Variants in TNMD observed in about 807,000 individuals in gnomAD.
TNMD encodes tenomodulin.
TNMD carries 15 observed loss-of-function variants against 26.9 expected under a neutral mutation model. That is an observed-to-expected ratio of 0.56 (90% confidence interval 0.37 to 0.86). The LOEUF (loss-of-function observed/expected upper bound fraction) is 0.86, where lower values mean the gene tolerates loss of function less well. Among genes scored for constraint, TNMD ranks in the 40% least tolerant of loss-of-function variants. The pLI is 0.00. For missense variants in TNMD, 222 were observed against 242.6 expected (o/e 0.92, Z 0.56); for synonymous variants, 73 against 77.0 (o/e 0.95, Z 0.27).
intron 4 of TNMD, among the ~76,000 whole-genome samples, chrX:100,595,164 C>T (rs768769296): frequency 3.6e-5 from 4 of 112,151 alleles, no homozygotes; most frequent in African/African-American, 6.5e-5. Flanking sequence ...CATATTGTGA[C>T]AGCATATCCC....
chrX:100,599,126 G>C lies in TNMD; in HGVS notation c.688G>C (p.Glu230Gln). The C allele has an allele frequency of 1.7e-6, 2 of 1,206,151 alleles. No homozygotes were observed. The highest frequency in any genetic ancestry group is 1.1e-6 in the Non-Finnish European group (1 of 892,724). ...EQWVVPQVKVEKTRHARQASE... is the reference protein window; with the variant it reads ...EQWVVPQVKVQKTRHARQASE... ...GTGGGTGGTCCCTCAAGTGAAAGTA[G>C]AGAAGACCCGTCACGCCAGACAAGC... Residue 230 changes from glutamate to glutamine, a missense_variant, in exon 6 of 7, where the codon GAG (glutamate) becomes CAG (glutamine). By Grantham distance (29) the Glu-to-Gln change is conservative. Coordinates refer to ENST00000373031, the MANE Select transcript of TNMD (RefSeq NM_022144.3).
intron 2 of TNMD, among the ~76,000 whole-genome samples, chrX:100,592,572 C>A (rs1221421811): frequency 8.9e-6 from 1 of 112,208 alleles, no homozygotes; most frequent in Non-Finnish European, 1.9e-5. Context: ...TGTAGGGCTA[C>A]CAAGAGGTAA....
chrX:100,585,118 T>G (rs950194589), intron 1 of TNMD, 52 bp downstream of exon 1: 3 of 1,181,996 alleles, frequency 2.5e-6, no homozygotes, highest in Non-Finnish European at 3.4e-6. Context: ...GTTTCACAGA[T>G]TTATCATATT....
intron 2 of TNMD, chrX:100,593,555 G>C: frequency 1.1e-5 from 2 of 177,580 alleles, no homozygotes; most frequent in Non-Finnish European, 1.8e-5. Context: ...AAGCCCTAAT[G>C]AATTTCACGG....
intron 2 of TNMD, among the ~76,000 whole-genome samples, chrX:100,592,264 A>G (rs956998348): frequency 1.8e-5 from 2 of 112,072 alleles, no homozygotes; most frequent in African/African-American, 6.5e-5. Context: ...TTGTTGCCAC[A>G]GGTAGAAGTT....
intron 4 of TNMD, among the ~76,000 whole-genome samples, chrX:100,595,028 G>A (rs762690301): frequency 1.8e-5 from 2 of 111,946 alleles, no homozygotes; most frequent in South Asian, 7.5e-4. Flanking sequence ...AATGGGAGAT[G>A]GATGTTATTG....
chrX:100,595,552 C>CCTTTACCTTTTT (rs113892344), intron 4 of TNMD, among the ~76,000 whole-genome samples: 4 of 110,522 alleles, frequency 3.6e-5, no homozygotes, highest in Admixed American at 9.7e-5. Context: ...TTTATCTTTT[C>CCTTTACCTTTTT]CTTTACCTTT....
chrX:100,593,281 G>A (rs1028156470), intron 2 of TNMD: 131 of 709,489 alleles, frequency 1.8e-4, no homozygotes, highest in Non-Finnish European at 2.1e-4. Flanking sequence ...ACTGAATATG[G>A]CTTGGGAAAC....
At chrX:100,585,105 A>G (rs200406916) in intron 1 of TNMD, 39 bp downstream of exon 1, 222 of 1,188,197 alleles carry the variant, frequency 1.9e-4, no homozygotes, top group Non-Finnish European at 2.4e-4. Context: ...GAGCAGAAGC[A>G]TGGTTTCACA....
intron 2 of TNMD, among the ~76,000 whole-genome samples, chrX:100,586,317 A>G (rs1307956223): frequency 8.9e-6 from 1 of 111,887 alleles, no homozygotes; most frequent in Non-Finnish European, 1.9e-5. Context: ...TAAGATGCTC[A>G]TTTCTATTTG....
chrX:100,596,964 A>T (rs1641861794), intron 4 of TNMD, among the ~76,000 whole-genome samples: 2 of 112,064 alleles, frequency 1.8e-5, no homozygotes, highest in Non-Finnish European at 3.8e-5. Flanking sequence ...ATAAAAGGAA[A>T]TCTTTTGTAC....
Position 100,599,604 on chromosome X carries a change from G to C in TNMD, c.841G>C (p.Glu281Gln). ...CAACCGCTATTGCCGCCGCGTCTGTGAACCTTTACTAGGCTACTACCCATA... is the reference window on the plus strand; with the variant it reads ...CAACCGCTATTGCCGCCGCGTCTGTCAACCTTTACTAGGCTACTACCCATA... ...RGNRYCRRVCEPLLGYYPYPY... is the reference protein window; with the variant it reads ...RGNRYCRRVCQPLLGYYPYPY... Residue 281 changes from glutamate to glutamine, a missense_variant, in exon 7 of 7, where the codon GAA becomes CAA. Transcript: ENST00000373031. 8.3e-7 allele frequency: 1 copy of C among 1,211,484 alleles called. No homozygotes were observed. Among genetic ancestry groups the C allele is most frequent in the Non-Finnish European group, 1.1e-6 (1 of 895,384 alleles).
chrX:100,595,442 T>G (rs2082950151), intron 4 of TNMD, among the ~76,000 whole-genome samples: 1 of 94,446 alleles, frequency 1.1e-5, no homozygotes, highest in Non-Finnish European at 2.1e-5. Context: ...CTATAAACTA[T>G]AAAAACCTCT....
intron 2 of TNMD, among the ~76,000 whole-genome samples, chrX:100,586,756 T>G (rs2082923095): frequency 9.0e-6 from 1 of 111,506 alleles, no homozygotes; most frequent in African/African-American, 3.3e-5. Flanking sequence ...TACTTACCGT[T>G]CAAATGTCCT....
At chrX:100,591,101 G>C (rs2082936101) in intron 2 of TNMD, among the ~76,000 whole-genome samples, 1 of 111,562 alleles carries the variant, frequency 9.0e-6, no homozygotes. Context: ...AAGGGGAAGG[G>C]CTATGAGGGT....
At chrX:100,598,876 TG>T in intron 5 of TNMD, 139 bp from the exon 6 acceptor site, 1 of 428,708 alleles carries the variant, frequency 2.3e-6, no homozygotes, top group Non-Finnish European at 3.9e-6. Flanking sequence ...TGAAGGAGCT[TG>T]GAAAAGTGGT....
At chrX:100,590,502 A>T (rs1376298524) in intron 2 of TNMD, among the ~76,000 whole-genome samples, 5 of 112,221 alleles carry the variant, frequency 4.5e-5, no homozygotes, top group Non-Finnish European at 9.4e-5. Flanking sequence ...TGAAAGAGGG[A>T]TGTTAGGGCT....
intron 2 of TNMD, chrX:100,593,484 C>G (rs933221157): frequency 2.0e-6 from 1 of 491,722 alleles, no homozygotes; most frequent in Non-Finnish European, 2.5e-6. Context: ...ATATTAAAGC[C>G]CTGGATAAAT....
At chrX:100,585,822 A>G (rs995142651) in intron 2 of TNMD, among the ~76,000 whole-genome samples, 1 of 112,819 alleles carries the variant, frequency 8.9e-6, no homozygotes, top group Non-Finnish European at 1.9e-5. Context: ...ACAGGCAGCA[A>G]GCTGCTTTTC....
Sources: allele counts gnomAD v4.1 joint callset (sites outside exome capture counted in the v4.1 genomes callset), GRCh38; gene constraint gnomAD v4.1.1; transcripts MANE v1.5; gene names NCBI Gene and HGNC (gene_info 2026-07-23, HGNC 2026-07-21).